PDE2A: variants seen among roughly 807,000 people sequenced by gnomAD.
The protein encoded by PDE2A is phosphodiesterase 2A, also known as cGMP-dependent 3',5'-cyclic phosphodiesterase.
Under a neutral mutation model 133.6 loss-of-function variants are expected in PDE2A, and 53 were observed. That is an observed-to-expected ratio of 0.40 (90% confidence interval 0.32 to 0.50). PDE2A has a LOEUF of 0.50. Ranked by LOEUF, PDE2A falls within the 20% of genes least tolerant of loss-of-function variation. PDE2A has a pLI of 0.73. For missense variants in PDE2A, 796 were observed against 1,232.4 expected, an observed-to-expected ratio of 0.65 and a Z score of 5.30; for synonymous variants, 491 against 490.2, an observed-to-expected ratio of 1.00 and a Z score of -0.02.
chr11:72,632,353 G>A (rs80223015), intron 2 of PDE2A, among the ~76,000 whole-genome samples: 3 of 152,138 alleles, frequency 2.0e-5, no homozygotes, highest in South Asian at 2.1e-4. Context: ...TCTTAGCTGC[G>A]CCTGCAGCTG....
chr11:72,648,740 C>G (rs1307645032), intron 1 of PDE2A, among the ~76,000 whole-genome samples: 1 of 152,130 alleles, frequency 6.6e-6, no homozygotes, highest in African/African-American at 2.4e-5. Context: ...TCCCCATCAT[C>G]CACAGACCCC....
chr11:72,591,217 A>G (rs1856232814), intron 7 of PDE2A, 80 bp downstream of exon 7: 5 of 1,215,470 alleles, frequency 4.1e-6, no homozygotes, highest in Non-Finnish European at 6.1e-6. Flanking sequence ...AGGTCTGTCC[A>G]GCTCCCTGGC....
rs896375461 is a variant in PDE2A, at chr11:72,608,653, G to A, written c.234+9C>T. On this transcript the variant is annotated intron_variant, in intron 3 of 30. Transcript: ENST00000334456. ...GGGTGGGAAGCGTGGGGCAAGGGCG[G>A]GCACCTACCACTCGGGGGAGCACAG... is the stretch of plus-strand genomic sequence containing the variant. 13 of 1,472,754 alleles carry A rather than the reference G, an allele frequency of 8.8e-6. No individual in the cohort carries two copies. The highest frequency in any genetic ancestry group is 1.2e-5 in the Non-Finnish European group (13 of 1,069,096). The allele number at this position is 1,472,754 out of a possible 1,614,324, so 91.2% of individuals were successfully genotyped here.
rs149492914 is a variant in PDE2A, at chr11:72,579,153, G to C, written c.2356+131C>G. On this transcript the variant is annotated intron_variant, in intron 27 of 30. Transcript: ENST00000334456. ...AAGGGGCCAGTGCTGGGTCTGCCTGGGGGGGGCCGTGCAGCCAGAGAAGGG... is the reference window on the plus strand; with the variant it reads ...AAGGGGCCAGTGCTGGGTCTGCCTGCGGGGGGCCGTGCAGCCAGAGAAGGG... 1.8e-5 allele frequency: 17 copies of C among 945,796 alleles called. No homozygotes were observed. The East Asian group carries it at 2.4e-4, about 14-fold the overall frequency. The allele number at this position is 945,796 out of a possible 1,614,324, so 58.6% of individuals were successfully genotyped here.
Position 72,590,646 on chromosome 11 carries a change from T to C in PDE2A, c.550-66A>G. On this transcript the variant is annotated intron_variant, in intron 7 of 30. Coordinates refer to ENST00000334456, the MANE Select transcript of PDE2A (RefSeq NM_002599.5). This position sits in a 1 kb window ranked among gnomAD's most constrained non-coding sequence, Gnocchi z 4.8. ...CTCGCTGCGCTTGCTGCAGCGGGAT[T>C]CCTGCCTTTGCTCCCGCCGTTCCCT... 1 of 1,298,550 alleles carries C rather than the reference T, an allele frequency of 7.7e-7. No homozygotes were observed. The highest frequency in any genetic ancestry group is 9.8e-7 in the Non-Finnish European group (1 of 1,019,706). The allele number at this position is 1,298,550 out of a possible 1,614,324, so 80.4% of individuals were successfully genotyped here.
At chr11:72,638,568 A>C (rs1248691766) in intron 2 of PDE2A, among the ~76,000 whole-genome samples, 4 of 152,202 alleles carry the variant, frequency 2.6e-5, no homozygotes. Flanking sequence ...GGCTGGACAC[A>C]GAAGGTAGGA....
At chr11:72,654,416 G>A (rs1157784583) in intron 1 of PDE2A, among the ~76,000 whole-genome samples, 1 of 152,184 alleles carries the variant, frequency 6.6e-6, no homozygotes, top group Non-Finnish European at 1.5e-5. Flanking sequence ...GCTCTCTTGA[G>A]GCCAGTGCAG....
intron 2 of PDE2A, among the ~76,000 whole-genome samples, chr11:72,620,417 C>A (rs966278905): frequency 3.3e-5 from 5 of 152,174 alleles, no homozygotes; most frequent in African/African-American, 1.2e-4. Context: ...CCCAGTTCCA[C>A]TCCCATTTTT....
intron 20 of PDE2A, among the ~76,000 whole-genome samples, chr11:72,582,923 C>T (rs1855788394): frequency 6.6e-6 from 1 of 152,196 alleles, no homozygotes; most frequent in African/African-American, 2.4e-5. Flanking sequence ...CTTCCTACTA[C>T]AGTTTTGATC....
chr11:72,591,256 G>C (rs1856234804), intron 7 of PDE2A, 41 bp downstream of exon 7: 1 of 1,532,502 alleles, frequency 6.5e-7, no homozygotes, highest in Non-Finnish European at 9.0e-7. Context: ...GCTGTGATAA[G>C]GGTCTTCAGC....
chr11:72,584,151 T>TGG, intron 19 of PDE2A, 50 bp downstream of exon 19: 2 of 862,322 alleles, frequency 2.3e-6, no homozygotes, highest in Non-Finnish European at 3.8e-6. Context: ...GGGTCCTTCG[T>TGG]GGGCCCCGCC....
intron 2 of PDE2A, among the ~76,000 whole-genome samples, chr11:72,609,459 G>A (rs547962485): frequency 3.9e-5 from 6 of 152,272 alleles, no homozygotes; most frequent in South Asian, 4.1e-4. Context: ...CCTATGGGGT[G>A]CATAACCCAT....
chr11:72,642,358 G>T, intron 1 of PDE2A, 32 bp from the exon 2 acceptor site: 1 of 1,501,392 alleles, frequency 6.7e-7, no homozygotes, highest in East Asian at 2.8e-5. Context: ...ATGAGGATGT[G>T]GTGCAGCACC....
rs1409782821 is a variant in PDE2A at position 72,670,872 on chromosome 11, A to G, written c.71+3265T>C. Among the ~76,000 whole-genome samples, 40 of 137,286 alleles carry G rather than the reference A, an allele frequency of 2.9e-4. No individual in the cohort carries two copies. The Admixed American group carries it at 3.0e-3, about 10-fold the overall frequency. 90.1% of individuals were successfully genotyped at this position (137,286 alleles called of 152,430 possible). Reference sequence around the variant, plus strand: ...AGGGCTGCCCAGGAGGGAAGAGATGAACATCCTATGTCCGGGGGTATACAA... The same window carrying G: ...AGGGCTGCCCAGGAGGGAAGAGATGGACATCCTATGTCCGGGGGTATACAA... On this transcript the variant is annotated intron_variant, in intron 1 of 30. Coordinates refer to ENST00000334456, the MANE Select transcript of PDE2A (RefSeq NM_002599.5).
intron 2 of PDE2A, among the ~76,000 whole-genome samples, chr11:72,632,335 G>T (rs2135419033): frequency 6.6e-6 from 1 of 152,278 alleles, no homozygotes; most frequent in East Asian, 1.9e-4. Context: ...GCCCTGCAGG[G>T]TCTTCCCTCT....
At chr11:72,642,979 G>T in intron 1 of PDE2A, 1 of 154,616 alleles carries the variant, frequency 6.5e-6, no homozygotes, top group African/African-American at 2.4e-5. Context: ...AGGGAGACAC[G>T]TGCGCACAGA....
chr11:72,600,537 C>A (rs1856693544), intron 4 of PDE2A, among the ~76,000 whole-genome samples: 2 of 152,180 alleles, frequency 1.3e-5, no homozygotes, highest in Admixed American at 6.5e-5. Context: ...TGCTGTCCTC[C>A]TGAAGTCTCC....
At position 72,577,604 on chromosome 11, in the gene PDE2A, C is replaced by A; in HGVS notation, c.2616-10G>T. On this transcript the variant is annotated splice_polypyrimidine_tract_variant and intron_variant, in intron 30 of 30. Coordinates refer to ENST00000334456, the MANE Select transcript of PDE2A (RefSeq NM_002599.5). ...CAGGTCCTGCAACAGCCTGCGGGTG[C>A]ATGGGGGGCAGAGGGCGAGAGGCCA... The A allele has an allele frequency of 6.5e-7, 1 of 1,538,448 alleles. No homozygotes were observed. Among genetic ancestry groups the A allele is most frequent in the Non-Finnish European group, 8.6e-7 (1 of 1,160,312 alleles).
chr11:72,670,855 C>T (rs755981685), intron 1 of PDE2A, among the ~76,000 whole-genome samples: 3 of 152,054 alleles, frequency 2.0e-5, no homozygotes, highest in Non-Finnish European at 4.4e-5. Context: ...GAAGGGCTGC[C>T]CAGGAGGGAA....
Sources: gnomAD v4.1 joint callset for allele counts (sites outside exome capture counted in the v4.1 genomes callset) on GRCh38, gnomAD v4.1.1 for gene constraint, Gnocchi (gnomAD v3.1) non-coding constraint, MANE v1.5 for transcripts, NCBI Gene and HGNC (gene_info 2026-07-23, HGNC 2026-07-21) for gene names.